NFIB: variants seen among roughly 807,000 people sequenced by gnomAD.
NFIB encodes the protein nuclear factor I B.
NFIB carries 11 observed loss-of-function variants against 61.5 expected under a neutral mutation model. The ratio of observed to expected loss-of-function variants is 0.18; its 90% CI spans 0.11 to 0.30. NFIB has a LOEUF of 0.30. NFIB is among the 10% of genes least tolerant of loss of function. The probability of loss-of-function intolerance (pLI) is 1.00; values close to 1 mark genes in which losing one functional copy is unlikely to be tolerated. For synonymous variants in NFIB, 260 were observed against 216.5 expected (o/e 1.20, Z -1.76); for missense variants, 471 against 608.9 (o/e 0.77, Z 2.38).
At chr9:14,379,336 T>C (rs1049733377) in intron 1 of NFIB, among the ~76,000 whole-genome samples, 3 of 152,150 alleles carry the variant, frequency 2.0e-5, no homozygotes, top group Non-Finnish European at 4.4e-5. Context: ...GAACAGGTAT[T>C]TTACTTCATA....
the NFIB span, among the ~76,000 whole-genome samples, chr9:14,427,023 C>A: frequency 1.3e-5 from 2 of 152,134 alleles, no homozygotes; most frequent in Non-Finnish European, 2.9e-5. Flanking sequence ...ACTCCATGGC[C>A]CCTTTCAGGT....
intron 2 of NFIB, among the ~76,000 whole-genome samples, chr9:14,211,164 G>A (rs1409395381): frequency 6.6e-6 from 1 of 152,100 alleles, no homozygotes; most frequent in East Asian, 1.9e-4. Flanking sequence ...AAACAACAGT[G>A]CTCTTAGCTT....
chr9:14,316,103 C>T (rs750846583), upstream of NFIB, among the ~76,000 whole-genome samples: 18 of 152,206 alleles, frequency 1.2e-4, no homozygotes, highest in Non-Finnish European at 2.2e-4. Flanking sequence ...CCTGGAGGAA[C>T]CAGTGACTTT....
At chr9:14,293,640 A>G (rs13295796) in intron 2 of NFIB, among the ~76,000 whole-genome samples, 13 of 152,236 alleles carry the variant, frequency 8.5e-5, no homozygotes, top group Non-Finnish European at 1.6e-4. Context: ...GAACTAAAGA[A>G]TAAGACTGGA....
intron 2 of NFIB, among the ~76,000 whole-genome samples, chr9:14,251,148 A>G (rs1354421906): frequency 1.3e-5 from 2 of 152,208 alleles, no homozygotes; most frequent in Non-Finnish European, 2.9e-5. Flanking sequence ...ACATACATAC[A>G]AAGAACTTTA....
intron 2 of NFIB, among the ~76,000 whole-genome samples, chr9:14,245,283 T>C (rs2054788269): frequency 6.6e-6 from 1 of 152,122 alleles, no homozygotes; most frequent in Non-Finnish European, 1.5e-5. Flanking sequence ...TCTCCCTACA[T>C]CCATAATAAT....
chr9:14,351,036 C>T (rs62532793), intron 1 of NFIB, among the ~76,000 whole-genome samples: 4,781 of 152,158 alleles, frequency 0.031, 113 homozygotes, highest in African/African-American at 0.044. Context: ...TTCTGAGTGG[C>T]GTAGGAAATG....
intron 2 of NFIB, among the ~76,000 whole-genome samples, chr9:14,227,041 T>C (rs2052515116): frequency 6.7e-6 from 1 of 149,608 alleles, no homozygotes; most frequent in South Asian, 2.1e-4. Context: ...CTTGGTAGGC[T>C]GAAACAGGAG....
At chr9:14,481,195 G>A in the NFIB span, among the ~76,000 whole-genome samples, 2 of 35,068 alleles carry the variant, frequency 5.7e-5, no homozygotes, top group Non-Finnish European at 1.3e-4. Context: ...GTGTGTGTGT[G>A]TGTATATATA....
chr9:14,289,231 T>C (rs1241464759), intron 2 of NFIB, among the ~76,000 whole-genome samples: 2 of 149,270 alleles, frequency 1.3e-5, no homozygotes, highest in Admixed American at 1.3e-4. Context: ...CAAATACACA[T>C]ATATATATGC....
chr9:14,458,724 C>A, the NFIB span, among the ~76,000 whole-genome samples: 1 of 152,096 alleles, frequency 6.6e-6, no homozygotes, highest in Non-Finnish European at 1.5e-5. Context: ...ACACCAATAA[C>A]AGACAAACAG....
chr9:14,271,853 T>G (rs759098589), intron 2 of NFIB, among the ~76,000 whole-genome samples: 1 of 152,200 alleles, frequency 6.6e-6, no homozygotes, highest in Admixed American at 6.5e-5. Context: ...TGTCATCTGG[T>G]CCATCTTAAA....
the NFIB span, among the ~76,000 whole-genome samples, chr9:14,459,977 A>G: frequency 0.043 from 6,526 of 152,100 alleles, 158 homozygotes; most frequent in Non-Finnish European, 0.054. Flanking sequence ...TCAGGGATCT[A>G]GAACTAGAAA....
At chr9:14,113,376 A>C (rs1364468661) in intron 9 of NFIB, among the ~76,000 whole-genome samples, 1 of 152,142 alleles carries the variant, frequency 6.6e-6, no homozygotes, top group Non-Finnish European at 1.5e-5. Flanking sequence ...GGTACTAAGG[A>C]TTGGATAAAT....
the NFIB span, among the ~76,000 whole-genome samples, chr9:14,509,863 G>C: frequency 5.9e-5 from 9 of 152,124 alleles, no homozygotes; most frequent in Non-Finnish European, 1.0e-4. Flanking sequence ...TCTTACAGTG[G>C]AGTTTATGAA....
At chr9:14,367,082 T>C (rs550259868) in intron 1 of NFIB, among the ~76,000 whole-genome samples, 5 of 152,196 alleles carry the variant, frequency 3.3e-5, no homozygotes, top group Non-Finnish European at 7.3e-5. Context: ...ATGACCATGA[T>C]AATGACATTG....
intron 1 of NFIB, among the ~76,000 whole-genome samples, chr9:14,350,082 C>T (rs1221651888): frequency 6.6e-6 from 1 of 152,174 alleles, no homozygotes; most frequent in Admixed American, 6.5e-5. Flanking sequence ...CGTTTGGCGG[C>T]CCCGGGGACC....
intron 4 of NFIB, among the ~76,000 whole-genome samples, chr9:14,151,478 C>T (rs368203387): frequency 2.0e-5 from 3 of 151,392 alleles, no homozygotes; most frequent in South Asian, 2.1e-4. Flanking sequence ...AACATTCATG[C>T]GAAACACATA....
chr9:14,235,025 A>T (rs566108481), intron 2 of NFIB, among the ~76,000 whole-genome samples: 1 of 152,278 alleles, frequency 6.6e-6, no homozygotes, highest in Admixed American at 6.5e-5. Context: ...AAATGTGGCA[A>T]TCTTAACTAT....
Sources: allele counts gnomAD v4.1 joint callset (sites outside exome capture counted in the v4.1 genomes callset), GRCh38; gene constraint gnomAD v4.1.1; transcripts MANE v1.5; gene names NCBI Gene and HGNC (gene_info 2026-07-23, HGNC 2026-07-21).